RHEBL1: variants seen among roughly 807,000 people sequenced by gnomAD.
RHEBL1 encodes the protein RHEB like 1, also known as GTPase RhebL1.
RHEBL1 carries 22 observed loss-of-function variants against 27.4 expected under a neutral mutation model. The ratio of observed to expected loss-of-function variants is 0.80; its 90% CI spans 0.57 to 1.15. The LOEUF (loss-of-function observed/expected upper bound fraction) is 1.15. Among genes scored for constraint, RHEBL1 ranks in the 50% most tolerant of loss-of-function variants. RHEBL1 has a pLI of 0.00. For synonymous variants in RHEBL1, 85 were observed against 80.8 expected (o/e 1.05, Z -0.28); for missense variants, 186 against 226.5 (o/e 0.82, Z 1.15).
In RHEBL1 at chr12:49,064,985, T is replaced by C; in HGVS notation, c.*118A>G. The C allele has an allele frequency of 1.4e-6, 1 of 736,296 alleles. No homozygotes were observed. The highest frequency in any genetic ancestry group is 2.4e-6 in the Non-Finnish European group (1 of 415,084). 45.6% of individuals were successfully genotyped at this position (736,296 alleles called of 1,614,324 possible). A position where few individuals can be genotyped will look rare whatever the true frequency, so the allele number is the denominator to read the frequency against. On this transcript the variant is annotated 3_prime_UTR_variant, in exon 8 of 8. Transcript: ENST00000301068. ...AAACATGAGGATGCCACACTGTGTGTCCAGGGGCCAGGAACACAGCTGGCA... is the reference window on the plus strand; with the variant it reads ...AAACATGAGGATGCCACACTGTGTGCCCAGGGGCCAGGAACACAGCTGGCA...
At chr12:49,065,564 G>A (rs1938982891) in intron 6 of RHEBL1, 133 bp from the exon 7 acceptor site, 1 of 708,050 alleles carries the variant, frequency 1.4e-6, no homozygotes, top group African/African-American at 1.8e-5. Context: ...GGAGGCCGAG[G>A]TGGTGGATCA....
In RHEBL1 at chr12:49,066,496, A is replaced by G. The variant is rs745796190; in HGVS notation, c.312T>C (p.His104=). Residue 104 remains histidine, a synonymous_variant, in exon 5 of 8, where the codon CAT becomes CAC. Coordinates refer to ENST00000301068, the MANE Select transcript of RHEBL1 (RefSeq NM_144593.3). The stretch of plus-strand genomic sequence containing the variant: ...CTTACCGGGTTTTCCCATGGCCTTC[A>G]TGTAGCTTTTGGTACAGACTCTCAA... ...QVIESLYQKL[H]EGHGKTRVPV... 3 of 1,613,848 alleles carry G rather than the reference A, an allele frequency of 1.9e-6. No homozygotes were observed. The highest frequency in any genetic ancestry group is 1.7e-6 in the Non-Finnish European group (2 of 1,180,000).
chr12:49,066,911 A>C (rs761392632), intron 3 of RHEBL1, 57 bp downstream of exon 3: 1 of 1,400,566 alleles, frequency 7.1e-7, no homozygotes, highest in Admixed American at 1.7e-5. Context: ...AAAGACTACC[A>C]GACTTCATCT....
intron 2 of RHEBL1, among the ~76,000 whole-genome samples, chr12:49,068,023 C>T (rs1469889270): frequency 6.6e-6 from 1 of 152,096 alleles, no homozygotes; most frequent in East Asian, 1.9e-4. Flanking sequence ...CCCTACTGAT[C>T]TACTAAGTCT....
intron 5 of RHEBL1, 42 bp downstream of exon 5, chr12:49,066,434 C>G: frequency 1.3e-6 from 2 of 1,599,120 alleles, no homozygotes; most frequent in Non-Finnish European, 1.7e-6. Flanking sequence ...TCTCCCACCC[C>G]CTCATGCCCA....
At chr12:49,065,794 A>G (rs1938987027) in intron 6 of RHEBL1, among the ~76,000 whole-genome samples, 1 of 152,028 alleles carries the variant, frequency 6.6e-6, no homozygotes. Flanking sequence ...GCGTGGTGGC[A>G]CGCGCCTGTA....
Position 49,066,969 on chromosome 12 carries a change from T to C in RHEBL1, c.191A>G (p.Gln64Arg). The stretch of plus-strand genomic sequence containing the variant: ...TGGATACCATACCCCAACTGGTACC[T>C]GCCCTGCTGTGTCCACCAGATGTAG... ...FHLHLVDTAG[Q>R]DEYSILPYSF... Residue 64 changes from glutamine (Q) to arginine (R), a missense_variant and splice_region_variant, in exon 3 of 8, where the codon CAG (glutamine) becomes CGG (arginine). This residue lies in a region of RHEBL1 where 34 missense variants were observed against 69.3 expected (regional missense o/e 0.49). Coordinates refer to ENST00000301068, the MANE Select transcript of RHEBL1 (RefSeq NM_144593.3). The C allele has an allele frequency of 1.2e-6, 2 of 1,612,750 alleles. No individual in the cohort carries two copies. The highest frequency in any genetic ancestry group is 1.7e-6 in the Non-Finnish European group (2 of 1,178,726).
intron 5 of RHEBL1, 41 bp downstream of exon 5, chr12:49,066,435 C>T (rs370921880): frequency 1.9e-5 from 31 of 1,601,280 alleles, no homozygotes; most frequent in South Asian, 6.6e-5. Flanking sequence ...CTCCCACCCC[C>T]TCATGCCCAC....
At chr12:49,069,239 C>G (rs1045552777) in intron 1 of RHEBL1, 133 bp from the exon 2 acceptor site, 31 of 1,490,258 alleles carry the variant, frequency 2.1e-5, no homozygotes, top group Non-Finnish European at 2.8e-5. Flanking sequence ...TCAAGCAATG[C>G]TATCCTTTGT....
chr12:49,066,725 G>C (rs771272176), intron 3 of RHEBL1, 24 bp from the exon 4 acceptor site: 1 of 1,602,552 alleles, frequency 6.2e-7, no homozygotes, highest in Non-Finnish European at 8.5e-7. Flanking sequence ...GGAAACATCA[G>C]TACCTAGATC....
chr12:49,066,461 C>T lies in RHEBL1; in HGVS notation c.332+15G>A, dbSNP rs1367338333. The T allele has an allele frequency of 3.1e-6, 5 of 1,613,278 alleles. No homozygotes were observed. In the South Asian group the frequency reaches 5.5e-5, roughly 18 times the overall value. On this transcript the variant is annotated intron_variant, in intron 5 of 7. Coordinates refer to ENST00000301068, the MANE Select transcript of RHEBL1 (RefSeq NM_144593.3). ...TCATGCCCACACTATGTCCCTATCC[C>T]CCAGGGCCACTTACCGGGTTTTCCC...
intron 4 of RHEBL1, 24 bp downstream of exon 4, chr12:49,066,595 G>T: frequency 1.2e-6 from 2 of 1,612,708 alleles, no homozygotes; most frequent in Non-Finnish European, 8.5e-7. Flanking sequence ...CCCAAGTCCC[G>T]CACTCACAAC....
In RHEBL1 at chr12:49,069,669, C is replaced by A. The variant is rs371926422; in HGVS notation, c.52+65G>T. The A allele has an allele frequency of 4.9e-3, 7,123 of 1,450,962 alleles. 25 individuals are homozygous for A. Among genetic ancestry groups the A allele is most frequent in the Non-Finnish European group, 6.0e-3 (6,212 of 1,031,288 alleles). The allele number at this position is 1,450,962 out of a possible 1,614,324, so 89.9% of individuals were successfully genotyped here. On this transcript the variant is annotated intron_variant, in intron 1 of 7. Coordinates refer to ENST00000301068, the MANE Select transcript of RHEBL1 (RefSeq NM_144593.3). Reference sequence around the variant, plus strand: ...CATTCCTCCCTGGGTCGCGTTCCCACGGCAGCGCGCCTCTTCTGGCTACAA... The same window carrying A: ...CATTCCTCCCTGGGTCGCGTTCCCAAGGCAGCGCGCCTCTTCTGGCTACAA...
chr12:49,067,396 C>T (rs922715874), intron 2 of RHEBL1, among the ~76,000 whole-genome samples: 2 of 151,992 alleles, frequency 1.3e-5, no homozygotes, highest in Admixed American at 1.3e-4. Context: ...CCTGTCACCT[C>T]AGCCTCCCAA....
intron 2 of RHEBL1, among the ~76,000 whole-genome samples, chr12:49,067,800 A>G (rs899785040): frequency 4.6e-5 from 7 of 152,202 alleles, no homozygotes; most frequent in African/African-American, 1.7e-4. Flanking sequence ...AAAATAAAGT[A>G]ATTACTTTTG....
intron 1 of RHEBL1, among the ~76,000 whole-genome samples, 176 bp downstream of exon 1, chr12:49,069,558 C>T (rs1342156460): frequency 8.2e-6 from 1 of 122,430 alleles, no homozygotes; most frequent in African/African-American, 3.0e-5. Context: ...GCAGCCTCCA[C>T]ACACCACCAA....
At chr12:49,065,565 T>G in intron 6 of RHEBL1, 134 bp from the exon 7 acceptor site, 1 of 703,788 alleles carries the variant, frequency 1.4e-6, no homozygotes, top group South Asian at 1.6e-5. Context: ...GAGGCCGAGG[T>G]GGTGGATCAC....
intron 2 of RHEBL1, among the ~76,000 whole-genome samples, chr12:49,067,831 T>A (rs536449071): frequency 6.6e-5 from 10 of 152,320 alleles, no homozygotes; most frequent in African/African-American, 2.2e-4. Flanking sequence ...GAATAATAGA[T>A]GTACCAAGTT....
At chr12:49,065,619 C>T (rs1372458435) in intron 6 of RHEBL1, among the ~76,000 whole-genome samples, 188 bp from the exon 7 acceptor site, 1 of 151,808 alleles carries the variant, frequency 6.6e-6, no homozygotes, top group Non-Finnish European at 1.5e-5. Context: ...CACAGGGAAA[C>T]ACCATCTCTA....
Sources: gnomAD v4.1 joint callset for allele counts (sites outside exome capture counted in the v4.1 genomes callset) on GRCh38, gnomAD v4.1.1 for gene constraint, gnomAD v4.1.1 regional missense constraint, MANE v1.5 for transcripts, NCBI Gene and HGNC (gene_info 2026-07-23, HGNC 2026-07-21) for gene names.